Variants in RBFOX1 observed in about 807,000 individuals in gnomAD.
RBFOX1 encodes the protein RNA binding protein fox-1 homolog 1.
Under a neutral mutation model 57.7 loss-of-function variants are expected in RBFOX1, and 8 were observed. That is an observed-to-expected ratio of 0.14 (90% CI 0.08 to 0.25). The LOEUF (loss-of-function observed/expected upper bound fraction) is 0.25. RBFOX1 is among the 10% of genes least tolerant of loss of function. The pLI is 1.00. For missense variants in RBFOX1, 611 were observed against 548.5 expected (o/e 1.11, Z -1.14); for synonymous variants, 326 against 222.4 (o/e 1.47, Z -4.15).
rs113371864 is a variant in RBFOX1, at chr16:6,310,211, C to G, written c.-126-6784C>G. 8.7e-3 allele frequency among the ~76,000 whole-genome samples: 1,329 copies of G among 152,234 alleles called. 18 individuals are homozygous for G. Among genetic ancestry groups the G allele is most frequent in the African/African-American group, 0.028 (1,175 of 41,544 alleles). ...GCTTATTGCCTTTAAGCAGCATAAG[C>G]CACATGTAAACCTTGGAATAGCGGA... On this transcript the variant is annotated intron_variant, in intron 1 of 15. Transcript: ENST00000550418.
intron 4 of RBFOX1, among the ~76,000 whole-genome samples, chr16:7,256,351 A>G (rs1157099720): frequency 1.3e-5 from 2 of 152,154 alleles, no homozygotes; most frequent in Non-Finnish European, 2.9e-5. Flanking sequence ...TCCTACCAGA[A>G]GTTCTGAGGT....
At position 5,698,983 on chromosome 16, in the gene RBFOX1, A is replaced by ATT. The variant is rs3036442; in HGVS notation, c.318+100043_318+100044dup. On this transcript the variant is annotated intron_variant, in intron 3 of 19. Coordinates refer to the RBFOX1 transcript ENST00000641259. The stretch of plus-strand genomic sequence containing the variant: ...TCTCTTATAAACAGCACCTGGTTGG[A>ATT]TTTTTTTTTTTTTTTTTTTTTTGAG... 4.6e-3 allele frequency among the ~76,000 whole-genome samples: 503 copies of ATT among 109,900 alleles called. 3 individuals carry two copies. The highest frequency in any genetic ancestry group is 0.015 in the African/African-American group (439 of 28,538). 72.1% of individuals were successfully genotyped at this position (109,900 alleles called of 152,430 possible). A position where few individuals can be genotyped will look rare whatever the true frequency, so the allele number is the denominator to read the frequency against.
In RBFOX1 at chr16:7,262,240, T is replaced by G. The variant is rs139720511; in HGVS notation, c.27+210142T>G. 4.6e-3 allele frequency among the ~76,000 whole-genome samples: 703 copies of G among 152,290 alleles called. 7 individuals carry two copies. The highest frequency in any genetic ancestry group is 0.016 in the African/African-American group (671 of 41,580). On this transcript the variant is annotated intron_variant, in intron 4 of 15. Coordinates refer to ENST00000550418, the MANE Select transcript of RBFOX1 (RefSeq NM_018723.4). ...AGTAAGCCACATTTTCATGCATGCA[T>G]AGCCTGCCATTTTATGGTTGCTGTT...
At chr16:7,451,419 T>C (rs894816918) in intron 4 of RBFOX1, among the ~76,000 whole-genome samples, 12 of 152,106 alleles carry the variant, frequency 7.9e-5, no homozygotes, top group African/African-American at 2.7e-4. Context: ...GTTGAGGCAA[T>C]AGGTAAGTTA....
chr16:6,701,344 G>A (rs750567933), intron 3 of RBFOX1, among the ~76,000 whole-genome samples: 3 of 152,236 alleles, frequency 2.0e-5, no homozygotes, highest in Non-Finnish European at 4.4e-5. Context: ...GGGTATTTGT[G>A]AGATGCATCT....
At chr16:7,402,352 T>C (rs1241793921) in intron 4 of RBFOX1, among the ~76,000 whole-genome samples, 3 of 152,244 alleles carry the variant, frequency 2.0e-5, no homozygotes, top group Non-Finnish European at 4.4e-5. Context: ...AACTCCATTA[T>C]CAATCTTTAA....
At chr16:7,286,375 T>C (rs988626817) in intron 4 of RBFOX1, among the ~76,000 whole-genome samples, 1 of 151,878 alleles carries the variant, frequency 6.6e-6, no homozygotes, top group Non-Finnish European at 1.5e-5. Flanking sequence ...TTTCTTTAAA[T>C]AAAAGCCTAT....
intron 4 of RBFOX1, among the ~76,000 whole-genome samples, chr16:7,360,486 C>A (rs2097300184): frequency 6.6e-6 from 1 of 152,132 alleles, no homozygotes; most frequent in South Asian, 2.1e-4. Context: ...GAAAAACTCA[C>A]ATAACCCATC....
intron 1 of RBFOX1, among the ~76,000 whole-genome samples, chr16:5,400,494 C>G (rs565357531): frequency 6.6e-6 from 1 of 152,198 alleles, no homozygotes; most frequent in African/African-American, 2.4e-5. Context: ...TCTTTCAAAA[C>G]AAAATTGAAA....
intron 4 of RBFOX1, among the ~76,000 whole-genome samples, chr16:7,427,798 C>CAT (rs2098636222): frequency 6.6e-6 from 1 of 152,018 alleles, no homozygotes; most frequent in South Asian, 2.1e-4. Context: ...GGATTACAGG[C>CAT]ATGTGCTACC....
chr16:6,743,880 CATTA>C (rs957808018), intron 3 of RBFOX1, among the ~76,000 whole-genome samples: 1 of 137,154 alleles, frequency 7.3e-6, no homozygotes, highest in African/African-American at 2.8e-5. Context: ...TTTTCCTATA[CATTA>C]ATTAAGGATA....
chr16:6,645,910 G>A (rs2098530463), intron 2 of RBFOX1, among the ~76,000 whole-genome samples: 1 of 152,114 alleles, frequency 6.6e-6, no homozygotes, highest in Non-Finnish European at 1.5e-5. Context: ...TTCCAAAACT[G>A]GTGTGGTTGA....
chr16:5,662,376 G>A (rs2049683288), intron 3 of RBFOX1, among the ~76,000 whole-genome samples: 1 of 152,022 alleles, frequency 6.6e-6, no homozygotes, highest in Non-Finnish European at 1.5e-5. Context: ...AAAATGCAGG[G>A]TTACCTGACC....
chr16:6,735,146 C>G (rs1011820412), intron 3 of RBFOX1, among the ~76,000 whole-genome samples: 2 of 151,960 alleles, frequency 1.3e-5, no homozygotes, highest in African/African-American at 2.4e-5. Flanking sequence ...GAGACCCTGT[C>G]TCAACAAAAA....
At chr16:5,729,876 C>G (rs369487418) in intron 3 of RBFOX1, among the ~76,000 whole-genome samples, 38 of 152,274 alleles carry the variant, frequency 2.5e-4, no homozygotes, top group African/African-American at 8.7e-4. Context: ...GAGGCAAATC[C>G]TAGCCCCGAG....
chr16:7,469,597 G>A (rs969335670), intron 4 of RBFOX1, among the ~76,000 whole-genome samples: 1 of 152,046 alleles, frequency 6.6e-6, no homozygotes, highest in Non-Finnish European at 1.5e-5. Context: ...TTGTGATATA[G>A]CCCTGAGTTC....
chr16:5,563,891 A>G (rs2045972358), intron 2 of RBFOX1, among the ~76,000 whole-genome samples: 1 of 152,098 alleles, frequency 6.6e-6, no homozygotes, highest in Admixed American at 6.5e-5. Flanking sequence ...GTCTGTTACC[A>G]TCATTTATTT....
Position 6,247,243 on chromosome 16 carries a change from T to C in RBFOX1, c.-126-69752T>C, listed in dbSNP as rs566516863. Among the ~76,000 whole-genome samples, 6 of 152,326 alleles carry C rather than the reference T, an allele frequency of 3.9e-5. No individual in the cohort carries two copies. In the East Asian group the frequency reaches 1.2e-3, roughly 29 times the overall value. ...TTTCTTCCCCTTGTCTCCCAGGATC[T>C]TGCTGGACGTGTAATAGTTACCCAG... On this transcript the variant is annotated intron_variant, in intron 1 of 15. Coordinates refer to ENST00000550418, the MANE Select transcript of RBFOX1 (RefSeq NM_018723.4).
chr16:6,148,874 T>G (rs1343106143), intron 1 of RBFOX1, among the ~76,000 whole-genome samples: 1 of 152,118 alleles, frequency 6.6e-6, no homozygotes, highest in African/African-American at 2.4e-5. Context: ...GCAATCAGGT[T>G]TTAGTATTTC....
Sources: allele counts gnomAD v4.1 joint callset (sites outside exome capture counted in the v4.1 genomes callset), GRCh38; gene constraint gnomAD v4.1.1; transcripts MANE v1.5; gene names NCBI Gene and HGNC (gene_info 2026-07-23, HGNC 2026-07-21).